Variants in LRRK2 observed in about 807,000 individuals in gnomAD.
LRRK2 encodes the protein leucine-rich repeat serine/threonine-protein kinase 2.
Under a neutral mutation model 302.6 loss-of-function variants are expected in LRRK2, and 203 were observed. The ratio of observed to expected loss-of-function variants is 0.67; its 90% confidence interval spans 0.60 to 0.75. The LOEUF (loss-of-function observed/expected upper bound fraction) is 0.75. Among genes scored for constraint, LRRK2 ranks in the 30% least tolerant of loss-of-function variants. LRRK2 has a pLI of 0.00. For synonymous variants in LRRK2, 1,066 were observed against 1,031.9 expected, an observed-to-expected ratio of 1.03 and a Z score of -0.63; for missense variants, 2,830 against 2,951.0, an observed-to-expected ratio of 0.96 and a Z score of 0.95.
chr12:40,253,046 G>A (rs1942348900), intron 11 of LRRK2, 30 bp downstream of exon 11: 2 of 1,399,426 alleles, frequency 1.4e-6, no homozygotes, highest in Admixed American at 1.7e-5. Flanking sequence ...TTCAAATAAA[G>A]GGAAACACAT....
intron 45 of LRRK2, 65 bp from the exon 46 acceptor site, chr12:40,356,050 C>T: frequency 2.9e-6 from 3 of 1,034,942 alleles, no homozygotes; most frequent in Non-Finnish European, 4.4e-6. Context: ...TGGAGGAGAA[C>T]ATTAAGGCCA....
chr12:40,225,430 A>G (rs1940818368), intron 1 of LRRK2, 125 bp from the exon 2 acceptor site: 1 of 1,265,968 alleles, frequency 7.9e-7, no homozygotes, highest in African/African-American at 1.5e-5. Flanking sequence ...CTTAGGGCAG[A>G]AAGCAGCTGA....
Position 40,274,891 on chromosome 12 carries a change from G to A in LRRK2, c.1839G>A (p.Leu613=), listed in dbSNP as rs764155422. 134 of 1,612,520 alleles carry A rather than the reference G, an allele frequency of 8.3e-5. 6 individuals are homozygous for A. In the South Asian group the frequency reaches 1.5e-3, roughly 18 times the overall value. Residue 613 remains leucine, a synonymous_variant, in exon 16 of 51, where the codon TTG becomes TTA. Coordinates refer to ENST00000298910, the MANE Select transcript of LRRK2 (RefSeq NM_198578.4). ...QCLGLSLIGY[L]ITKKNVFIGT... The stretch of plus-strand genomic sequence containing the variant: ...TGGGTTTAAGTCTTATAGGATACTT[G>A]ATTACAAAGAAGAATGTGTTCATAG...
In LRRK2 at chr12:40,249,889, A is replaced by T; in HGVS notation, c.902A>T (p.Gln301Leu). ...VHEFVVKAVQQYPENAALQIS... is the reference protein window; with the variant it reads ...VHEFVVKAVQLYPENAALQIS... ...GAGTTTGTGGTGAAAGCTGTGCAGC[A>T]GTACCCAGAGAATGCAGCATTGCAG... The change falls in exon 8 of 51, where the codon CAG becomes CTG. Residue 301 changes from glutamine (Q) to leucine (L), a missense_variant. Coordinates refer to ENST00000298910, the MANE Select transcript of LRRK2 (RefSeq NM_198578.4). 3.7e-6 allele frequency: 6 copies of T among 1,613,964 alleles called. No homozygotes were observed. Among genetic ancestry groups the T allele is most frequent in the Non-Finnish European group, 5.1e-6 (6 of 1,179,878 alleles).
chr12:40,335,505 T>C (rs938406790), intron 40 of LRRK2, among the ~76,000 whole-genome samples: 1 of 152,086 alleles, frequency 6.6e-6, no homozygotes, highest in Non-Finnish European at 1.5e-5. Context: ...GAAAGATGAG[T>C]CCATACTTCT....
chr12:40,322,256 C>A, intron 36 of LRRK2, 63 bp from the exon 37 acceptor site: 1 of 1,578,888 alleles, frequency 6.3e-7, no homozygotes. Context: ...AAAACTTTAC[C>A]TTAAAGCTTT....
At chr12:40,231,576 C>CAAAAAAAAAAAAAAAAAACA (rs71078231) in intron 2 of LRRK2, among the ~76,000 whole-genome samples, 2 of 105,854 alleles carry the variant, frequency 1.9e-5, no homozygotes, top group Non-Finnish European at 3.6e-5. Flanking sequence ...AAAACAAAAC[C>CAAAAAAAAAAAAAAAAAACA]AAAAAAAAAA....
intron 20 of LRRK2, among the ~76,000 whole-genome samples, chr12:40,288,945 G>A (rs1944037676): frequency 6.6e-6 from 1 of 151,356 alleles, no homozygotes; most frequent in Non-Finnish European, 1.5e-5. Context: ...TTTCTTTTAT[G>A]GTTTGTGCTT....
intron 40 of LRRK2, among the ~76,000 whole-genome samples, chr12:40,338,620 C>T (rs1221022579): frequency 6.6e-6 from 1 of 152,140 alleles, no homozygotes; most frequent in Non-Finnish European, 1.5e-5. Context: ...TAGAACTGCA[C>T]TTCTTAAGAT....
chr12:40,267,594 T>C (rs1413907640), intron 14 of LRRK2, among the ~76,000 whole-genome samples: 1 of 152,120 alleles, frequency 6.6e-6, no homozygotes, highest in Non-Finnish European at 1.5e-5. Flanking sequence ...AAAATCACTT[T>C]GTTCCAACTG....
At chr12:40,290,080 C>T (rs1592231246) in intron 20 of LRRK2, among the ~76,000 whole-genome samples, 1 of 151,876 alleles carries the variant, frequency 6.6e-6, no homozygotes, top group South Asian at 2.1e-4. Flanking sequence ...CATAGATGCC[C>T]TTCATCAAAT....
chr12:40,240,815 A>G (rs1221036216), intron 6 of LRRK2, among the ~76,000 whole-genome samples, 198 bp downstream of exon 6: 1 of 152,182 alleles, frequency 6.6e-6, no homozygotes. Flanking sequence ...TGGAGAAACA[A>G]TCGTGGAAAA....
rs1334922978 is a variant in LRRK2 at position 40,249,885 on chromosome 12, C to A, written c.898C>A (p.Gln300Lys). 6.2e-7 allele frequency: 1 copy of A among 1,613,856 alleles called. No individual in the cohort carries two copies. Among genetic ancestry groups the A allele is most frequent in the South Asian group, 1.1e-5 (1 of 91,074 alleles). The change falls in exon 8 of 51, where the codon CAG (glutamine) becomes AAG (lysine). Residue 300 changes from glutamine to lysine, a missense_variant. Around this residue, in one of 3 missense-constraint regions of LRRK2, gnomAD observed 2,121 missense variants for 2,148.0 expected, o/e 0.99. Coordinates refer to ENST00000298910, the MANE Select transcript of LRRK2 (RefSeq NM_198578.4). ...CCATGAGTTTGTGGTGAAAGCTGTG[C>A]AGCAGTACCCAGAGAATGCAGCATT... The part of the protein sequence containing the change: ...EVHEFVVKAV[Q>K]QYPENAALQI...
chr12:40,277,755 C>A, intron 16 of LRRK2, 133 bp from the exon 17 acceptor site: 2 of 811,644 alleles, frequency 2.5e-6, no homozygotes, highest in Non-Finnish European at 3.9e-6. Flanking sequence ...TACTTTAAAG[C>A]ACCAACCCAA....
intron 12 of LRRK2, 129 bp from the exon 13 acceptor site, chr12:40,259,351 A>C: frequency 8.7e-7 from 1 of 1,149,178 alleles, no homozygotes; most frequent in East Asian, 2.4e-5. Context: ...ACTGATTTCA[A>C]ATGCATTTTC....
chr12:40,367,305 C>T, intron 50 of LRRK2: 1 of 474,306 alleles, frequency 2.1e-6, no homozygotes, highest in Non-Finnish European at 3.7e-6. Flanking sequence ...ATCACTAGCT[C>T]AACCTTAAAC....
chr12:40,351,800 A>G, intron 44 of LRRK2, 67 bp downstream of exon 44: 1 of 1,426,228 alleles, frequency 7.0e-7, no homozygotes, highest in Non-Finnish European at 9.7e-7. Context: ...GTTACTTAGG[A>G]ATAAATTAAA....
At position 40,239,222 on chromosome 12, in the gene LRRK2, G is replaced by A. The variant is rs563857326; in HGVS notation, c.571+1119G>A. 2.3e-4 allele frequency among the ~76,000 whole-genome samples: 35 copies of A among 152,298 alleles called. No individual in the cohort carries two copies. In the South Asian group the frequency reaches 6.4e-3, roughly 28 times the overall value. On this transcript the variant is annotated intron_variant, in intron 5 of 50. Transcript: ENST00000298910. ...GAATACAAAGTGTATTGCAGCGAGA[G>A]TGACTCTGTCAAAAGTCAGAATAGC...
chr12:40,230,138 T>C, intron 2 of LRRK2, among the ~76,000 whole-genome samples: 1 of 152,062 alleles, frequency 6.6e-6, no homozygotes, highest in East Asian at 1.9e-4. Flanking sequence ...ACTTGAGTAG[T>C]ATAGGTAGAA....
Sources: gnomAD v4.1 joint callset for allele counts (sites outside exome capture counted in the v4.1 genomes callset) on GRCh38, gnomAD v4.1.1 for gene constraint, gnomAD v4.1.1 regional missense constraint, MANE v1.5 for transcripts, NCBI Gene and HGNC (gene_info 2026-07-23, HGNC 2026-07-21) for gene names.